The following EEA1 variants were observed in gnomAD, a reference collection of about 807,000 sequenced individuals.
EEA1 encodes early endosome antigen 1, 162kD.
Under a neutral mutation model 209.2 loss-of-function variants are expected in EEA1, and 111 were observed. That is an observed-to-expected ratio of 0.53 (90% CI 0.45 to 0.62). EEA1 has a LOEUF of 0.62. Among genes scored for constraint, EEA1 ranks in the 20% least tolerant of loss-of-function variants. The probability of loss-of-function intolerance (pLI) is 0.00; values close to 1 mark genes in which losing one functional copy is unlikely to be tolerated. For missense variants in EEA1, 1,343 were observed against 1,530.8 expected, an observed-to-expected ratio of 0.88 and a Z score of 2.05; for synonymous variants, 536 against 540.6, an observed-to-expected ratio of 0.99 and a Z score of 0.12.
intron 2 of EEA1, chr12:92,883,992 T>C (rs1879276621): frequency 2.1e-6 from 3 of 1,399,858 alleles, no homozygotes; most frequent in East Asian, 2.3e-5. Flanking sequence ...CAGCCATGAA[T>C]GCAAGGCCAC....
At chr12:92,831,046 T>C (rs1255331306) in intron 11 of EEA1, among the ~76,000 whole-genome samples, 4 of 152,186 alleles carry the variant, frequency 2.6e-5, no homozygotes, top group Non-Finnish European at 5.9e-5. Context: ...AACTCAAAAA[T>C]TAGTATTAGC....
chr12:92,870,945 G>C (rs1855549699), intron 2 of EEA1, among the ~76,000 whole-genome samples: 1 of 152,142 alleles, frequency 6.6e-6, no homozygotes, highest in African/African-American at 2.4e-5. Flanking sequence ...CTGACCTCAA[G>C]TGATCTGCCC....
rs376693680 is a variant in EEA1 at position 92,928,988 on chromosome 12, C to G, written c.24+55G>C. ...AGGAGGGGCGCCCGCGCCGCGGCCC[C>G]GAGCTCCGGCTGTCCCGCTCACGTG... On this transcript the variant is annotated intron_variant, in intron 1 of 28. Transcript: ENST00000322349. 7,467 of 1,550,182 alleles carry G rather than the reference C, an allele frequency of 4.8e-3. 26 individuals carry two copies. Among genetic ancestry groups the G allele is most frequent in the Non-Finnish European group, 5.9e-3 (6,778 of 1,148,058 alleles).
intron 1 of EEA1, among the ~76,000 whole-genome samples, chr12:92,907,563 T>C (rs893300601): frequency 2.6e-5 from 4 of 152,152 alleles, no homozygotes; most frequent in African/African-American, 9.7e-5. Context: ...ACTACCTTAA[T>C]TCATGTTGCA....
chr12:92,781,051 C>G (rs895472758), intron 23 of EEA1, among the ~76,000 whole-genome samples: 1 of 152,196 alleles, frequency 6.6e-6, no homozygotes, highest in African/African-American at 2.4e-5. Context: ...GGTGGGACTA[C>G]AGGTGTGCAC....
chr12:92,827,778 G>C (rs982811815), intron 12 of EEA1, 134 bp downstream of exon 12: 2 of 858,276 alleles, frequency 2.3e-6, no homozygotes, highest in African/African-American at 3.5e-5. Context: ...TAATAAGCAA[G>C]ATGTTGCTAT....
At chr12:92,886,631 G>GTATCATT (rs1879415429) in intron 2 of EEA1, among the ~76,000 whole-genome samples, 1 of 109,148 alleles carries the variant, frequency 9.2e-6, no homozygotes, top group Non-Finnish European at 1.9e-5. Context: ...GAGAGGAGGG[G>GTATCATT]AGGGGGAAGG....
At chr12:92,896,621 G>A (rs1879896912) in intron 1 of EEA1, among the ~76,000 whole-genome samples, 1 of 152,004 alleles carries the variant, frequency 6.6e-6, no homozygotes, top group Admixed American at 6.6e-5. Context: ...TGACCAACAT[G>A]GTGAAACTCC....
At chr12:92,793,048 AG>A (rs1565810338) in intron 21 of EEA1, among the ~76,000 whole-genome samples, 1 of 152,234 alleles carries the variant, frequency 6.6e-6, no homozygotes, top group Non-Finnish European at 1.5e-5. Flanking sequence ...GTATCTCAAT[AG>A]ATGCAGAAAA....
At chr12:92,791,968 C>T (rs913204719) in intron 21 of EEA1, among the ~76,000 whole-genome samples, 17 of 152,196 alleles carry the variant, frequency 1.1e-4, no homozygotes, top group African/African-American at 3.4e-4. Flanking sequence ...GATTAAGAAA[C>T]TCACTGAAAA....
At chr12:92,864,296 T>G (rs1878277788) in intron 3 of EEA1, among the ~76,000 whole-genome samples, 1 of 152,092 alleles carries the variant, frequency 6.6e-6, no homozygotes, top group Non-Finnish European at 1.5e-5. Context: ...ATGCCCTCAG[T>G]GGGGATAAAA....
rs572671955 is a variant in EEA1 at position 92,828,592 on chromosome 12, G to GAT, written c.1255-533_1255-532dup. Among the ~76,000 whole-genome samples, 34 of 146,204 alleles carry GAT rather than the reference G, an allele frequency of 2.3e-4. No individual in the cohort carries two copies. The East Asian group carries it at 4.9e-3, about 21-fold the overall frequency. On this transcript the variant is annotated intron_variant, in intron 11 of 28. Coordinates refer to ENST00000322349, the MANE Select transcript of EEA1 (RefSeq NM_003566.4). ...AATACAGGAAATGATCATATATATAGATATATATATGTGTACATATATATA... is the reference window on the plus strand; with the variant it reads ...AATACAGGAAATGATCATATATATAGATATATATATATGTGTACATATATATA...
intron 20 of EEA1, among the ~76,000 whole-genome samples, chr12:92,800,587 A>G (rs1011997457): frequency 1.3e-5 from 2 of 152,232 alleles, no homozygotes; most frequent in African/African-American, 4.8e-5. Flanking sequence ...GAGTATGACA[A>G]TAAGGATGAT....
At chr12:92,793,002 C>A (rs973439708) in intron 21 of EEA1, among the ~76,000 whole-genome samples, 2 of 152,098 alleles carry the variant, frequency 1.3e-5, no homozygotes, top group Non-Finnish European at 2.9e-5. Context: ...AAATGTAATC[C>A]GTCACATAAA....
chr12:92,809,376 TAA>T (rs535954237), intron 17 of EEA1, among the ~76,000 whole-genome samples: 2 of 151,754 alleles, frequency 1.3e-5, no homozygotes, highest in Non-Finnish European at 2.9e-5. Flanking sequence ...AGACTGCCAC[TAA>T]GTGTTGGTGT....
chr12:92,820,160 A>G (rs1875978377), intron 13 of EEA1, among the ~76,000 whole-genome samples: 1 of 152,224 alleles, frequency 6.6e-6, no homozygotes, highest in Non-Finnish European at 1.5e-5. Context: ...TATATCCAAG[A>G]TATCTGACAC....
At chr12:92,928,639 A>C (rs906149951) in intron 1 of EEA1, among the ~76,000 whole-genome samples, 2 of 152,050 alleles carry the variant, frequency 1.3e-5, no homozygotes, top group Non-Finnish European at 2.9e-5. Flanking sequence ...AGGCGAAGCA[A>C]GCCGCCCGAA....
At chr12:92,852,875 A>G in intron 7 of EEA1, 37 bp downstream of exon 7, 1 of 1,466,142 alleles carries the variant, frequency 6.8e-7, no homozygotes, top group South Asian at 1.2e-5. Context: ...AGGTAATGAG[A>G]TTGATTTATT....
intron 1 of EEA1, among the ~76,000 whole-genome samples, chr12:92,917,447 C>G (rs912608259): frequency 3.3e-5 from 5 of 150,242 alleles, no homozygotes; most frequent in African/African-American, 1.2e-4. Context: ...ATTCAACATT[C>G]TTAAAGAAAA....
Sources: gnomAD v4.1 joint callset for allele counts (sites outside exome capture counted in the v4.1 genomes callset) on GRCh38, gnomAD v4.1.1 for gene constraint, MANE v1.5 for transcripts, NCBI Gene and HGNC (gene_info 2026-07-23, HGNC 2026-07-21) for gene names.